Variants in FKBP1B observed in about 807,000 individuals in gnomAD.
The protein encoded by FKBP1B is peptidyl-prolyl cis-trans isomerase FKBP1B.
A neutral mutation model predicts 13.5 loss-of-function variants in FKBP1B; 4 were observed. The ratio of observed to expected loss-of-function variants is 0.30; its 90% CI spans 0.15 to 0.68. The LOEUF (loss-of-function observed/expected upper bound fraction) is 0.68, where lower values mean the gene tolerates loss of function less well. FKBP1B is among the 30% of genes least tolerant of loss of function. The pLI is 0.76. For missense variants in FKBP1B, 93 were observed against 136.2 expected (o/e 0.68, Z 1.58); for synonymous variants, 54 against 53.6 (o/e 1.01, Z -0.03).
intron 2 of FKBP1B, among the ~76,000 whole-genome samples, chr2:24,055,417 C>T (rs1388938074): frequency 6.6e-6 from 1 of 151,960 alleles, no homozygotes; most frequent in Non-Finnish European, 1.5e-5. Context: ...ACTATGTTGC[C>T]CGGGCTGGTC....
chr2:24,053,971 C>G, intron 2 of FKBP1B, 22 bp downstream of exon 2: 2 of 1,611,962 alleles, frequency 1.2e-6, no homozygotes, highest in Middle Eastern at 3.3e-4. Flanking sequence ...CCCCTCAGCC[C>G]CCACCCAGTC....
chr2:24,056,503 C>T (rs1186728888), intron 2 of FKBP1B, among the ~76,000 whole-genome samples: 2 of 151,856 alleles, frequency 1.3e-5, no homozygotes, highest in African/African-American at 2.4e-5. Flanking sequence ...ACCACCACAC[C>T]CAGCTAATTT....
chr2:24,036,159 T>C, the FKBP1B span, among the ~76,000 whole-genome samples: 43 of 151,510 alleles, frequency 2.8e-4, no homozygotes, highest in African/African-American at 1.0e-3. Context: ...AAATTAAAAC[T>C]CTACTACTGA....
intron 1 of FKBP1B, among the ~76,000 whole-genome samples, chr2:24,053,287 A>ATTTTT (rs34185660): frequency 3.6e-4 from 40 of 110,106 alleles, no homozygotes; most frequent in African/African-American, 1.3e-3. Flanking sequence ...AATTGAAAAG[A>ATTTTT]TTTTTTTTTT....
At chr2:24,058,698 A>G (rs2150968630) in intron 2 of FKBP1B, among the ~76,000 whole-genome samples, 1 of 152,122 alleles carries the variant, frequency 6.6e-6, no homozygotes, top group East Asian at 1.9e-4. Context: ...GTATGTAAAT[A>G]TTTTCTTAGC....
chr2:24,039,402 C>G, the FKBP1B span: 4 of 1,614,132 alleles, frequency 2.5e-6, no homozygotes, highest in Non-Finnish European at 3.4e-6. Context: ...CAACTTGATT[C>G]CCATCGGTCC....
chr2:24,050,193 C>T lies in FKBP1B; in HGVS notation c.37+307C>T, dbSNP rs1175041763. Among the ~76,000 whole-genome samples, 1 of 152,174 alleles carries T rather than the reference C, an allele frequency of 6.6e-6. No individual in the cohort carries two copies. Among genetic ancestry groups the T allele is most frequent in the African/African-American group, 2.4e-5 (1 of 41,454 alleles). ...GTCGCGGCTGCAGTCGTTCGGTTATCCGCTGCTGCTGATACCCCAGCCTGG... is the reference window on the plus strand; with the variant it reads ...GTCGCGGCTGCAGTCGTTCGGTTATTCGCTGCTGCTGATACCCCAGCCTGG... On this transcript the variant is annotated intron_variant, in intron 1 of 3. Coordinates refer to ENST00000380986, the MANE Select transcript of FKBP1B (RefSeq NM_004116.5). The surrounding 1 kb of genome is among the most constrained non-coding windows in gnomAD (Gnocchi z 5.8).
the FKBP1B span, among the ~76,000 whole-genome samples, chr2:24,040,967 G>T: frequency 6.6e-6 from 1 of 151,876 alleles, no homozygotes; most frequent in African/African-American, 2.4e-5. Flanking sequence ...AGTGAGCTGA[G>T]ATCGTGCCAT....
chr2:24,051,609 AACAG>A (rs534289512), intron 1 of FKBP1B, among the ~76,000 whole-genome samples: 147 of 152,302 alleles, frequency 9.7e-4, no homozygotes, highest in African/African-American at 3.4e-3. Flanking sequence ...ACACAGTTGA[AACAG>A]ACAGGGTTCC....
intron 2 of FKBP1B, 91 bp downstream of exon 2, chr2:24,054,040 G>C: frequency 6.9e-6 from 9 of 1,297,888 alleles, no homozygotes; most frequent in South Asian, 1.2e-5. Flanking sequence ...CCTGCCTCTG[G>C]ATCAGGGCTA....
chr2:24,049,748 C>T lies in FKBP1B; in HGVS notation c.-102C>T. ...CGCACCTCCTCCGGCTCTGCAGTGG[C>T]GGCGAGGAGGCGAGCCGGAGCGACG... is the stretch of plus-strand genomic sequence containing the variant. On this transcript the variant is annotated 5_prime_UTR_variant, in exon 1 of 4. Coordinates refer to ENST00000380986, the MANE Select transcript of FKBP1B (RefSeq NM_004116.5). 5 of 954,174 alleles carry T rather than the reference C, an allele frequency of 5.2e-6. No individual in the cohort carries two copies. Among genetic ancestry groups the T allele is most frequent in the Admixed American group, 4.2e-5 (1 of 23,678 alleles). The allele number at this position is 954,174 out of a possible 1,614,324, so 59.1% of individuals were successfully genotyped here. A position where few individuals can be genotyped will look rare whatever the true frequency, so the allele number is the denominator to read the frequency against.
At chr2:24,048,355 C>T (rs1663698707), upstream of FKBP1B, among the ~76,000 whole-genome samples, 1 of 151,460 alleles carries the variant, frequency 6.6e-6, no homozygotes, top group Admixed American at 6.6e-5. Context: ...CCTGTAATCC[C>T]AGCTACTTGG....
chr2:24,039,089 C>T, the FKBP1B span: 1 of 1,614,100 alleles, frequency 6.2e-7, no homozygotes, highest in African/African-American at 1.3e-5. Flanking sequence ...AAAATGGAGA[C>T]ATCCTGAGCA....
intron 2 of FKBP1B, among the ~76,000 whole-genome samples, chr2:24,057,437 G>A (rs1046737195): frequency 2.6e-5 from 4 of 151,866 alleles, no homozygotes. Flanking sequence ...GCAATGGCAC[G>A]ATTTCAGCTC....
At chr2:24,037,886 G>T in the FKBP1B span, 2 of 1,613,960 alleles carry the variant, frequency 1.2e-6, no homozygotes, top group South Asian at 1.1e-5. Context: ...GGAGGCTCCA[G>T]TGTGCTGGTG....
chr2:24,039,155 T>C, the FKBP1B span: 7 of 1,614,190 alleles, frequency 4.3e-6, no homozygotes, highest in Non-Finnish European at 5.1e-6. Flanking sequence ...TGGGGAAGGA[T>C]AGGTAGTGAT....
At chr2:24,047,047 T>C (rs1663648278), upstream of FKBP1B, among the ~76,000 whole-genome samples, 1 of 152,104 alleles carries the variant, frequency 6.6e-6, no homozygotes, top group South Asian at 2.1e-4. Context: ...CTTAAAGCAT[T>C]TCCTGACTTT....
At position 24,058,203 on chromosome 2, in the gene FKBP1B, G is replaced by GA. The variant is rs201114311; in HGVS notation, c.86-2595dup. Among the ~76,000 whole-genome samples the GA allele has an allele frequency of 8.5e-3, 1,071 of 126,450 alleles. 1 individual carries two copies. The highest frequency in any genetic ancestry group is 9.7e-3 in the Non-Finnish European group (564 of 58,430). 83.0% of individuals were successfully genotyped at this position (126,450 alleles called of 152,430 possible). A position where few individuals can be genotyped will look rare whatever the true frequency, so the allele number is the denominator to read the frequency against. ...TGACAGAGATGAGACTCTGTCTCAG[G>GA]AAAAAAAAAAAAAAAATTGTCTCTA... On this transcript the variant is annotated intron_variant, in intron 2 of 3. Coordinates refer to ENST00000380986, the MANE Select transcript of FKBP1B (RefSeq NM_004116.5).
Sources: allele counts gnomAD v4.1 joint callset (sites outside exome capture counted in the v4.1 genomes callset), GRCh38; gene constraint gnomAD v4.1.1; non-coding constraint Gnocchi (gnomAD v3.1); transcripts MANE v1.5; gene names NCBI Gene and HGNC (gene_info 2026-07-23, HGNC 2026-07-21).